PPP1R12A: variants seen among roughly 807,000 people sequenced by gnomAD.
PPP1R12A encodes the protein myosin binding subunit.
In PPP1R12A, 19 loss-of-function variants were observed where a neutral mutation model predicts 139.6. The observed-to-expected ratio is 0.14, with a 90% confidence interval of 0.09 to 0.20. The LOEUF (loss-of-function observed/expected upper bound fraction) is 0.20. Ranked by LOEUF, PPP1R12A falls within the 10% of genes least tolerant of loss-of-function variation. PPP1R12A has a pLI of 1.00. For missense variants in PPP1R12A, 925 were observed against 1,211.5 expected (o/e 0.76, Z 3.51); for synonymous variants, 427 against 420.6 (o/e 1.02, Z -0.19).
At chr12:79,839,248 T>G (rs1358097658) in intron 3 of PPP1R12A, among the ~76,000 whole-genome samples, 1 of 152,230 alleles carries the variant, frequency 6.6e-6, no homozygotes, top group Non-Finnish European at 1.5e-5. Context: ...AACAGGTATA[T>G]TCACCCAATG....
chr12:79,923,555 C>T (rs2596799), intron 1 of PPP1R12A, among the ~76,000 whole-genome samples: 142,885 of 152,284 alleles, frequency 0.94, 67,336 homozygotes, highest in African/African-American at 0.99. Flanking sequence ...CATACTTGTA[C>T]AGAGATATTT....
At chr12:79,855,512 C>T (rs1212612078) in intron 2 of PPP1R12A, among the ~76,000 whole-genome samples, 3 of 152,054 alleles carry the variant, frequency 2.0e-5, no homozygotes, top group African/African-American at 7.2e-5. Flanking sequence ...ATTGCTGGGT[C>T]AAATGGTAAC....
In PPP1R12A at chr12:79,869,374, A is replaced by C. The variant is rs907025622; in HGVS notation, c.368+3434T>G. On this transcript the variant is annotated intron_variant, in intron 2 of 24. Coordinates refer to ENST00000450142, the MANE Select transcript of PPP1R12A (RefSeq NM_002480.3). Reference sequence around the variant, plus strand: ...CATCCTCAAATCCTCAGAGTAAACTAATCTAGGCTTAACTGCACATATCAA... The same window carrying C: ...CATCCTCAAATCCTCAGAGTAAACTCATCTAGGCTTAACTGCACATATCAA... 5.9e-5 allele frequency among the ~76,000 whole-genome samples: 9 copies of C among 152,364 alleles called. No homozygotes were observed. In the East Asian group the frequency reaches 1.7e-3, roughly 29 times the overall value.
chr12:79,866,343 C>T (rs988894088), intron 2 of PPP1R12A, among the ~76,000 whole-genome samples: 1 of 152,092 alleles, frequency 6.6e-6, no homozygotes, highest in Non-Finnish European at 1.5e-5. Flanking sequence ...AAGACTTAAA[C>T]GTAAGACCTA....
chr12:79,918,907 G>A (rs1887210265), intron 1 of PPP1R12A, among the ~76,000 whole-genome samples: 1 of 152,120 alleles, frequency 6.6e-6, no homozygotes, highest in African/African-American at 2.4e-5. Flanking sequence ...CTTGAGGTCA[G>A]GAGTTTGAGA....
At chr12:79,791,525 C>T (rs1209730983) in intron 19 of PPP1R12A, among the ~76,000 whole-genome samples, 1 of 152,070 alleles carries the variant, frequency 6.6e-6, no homozygotes, top group Non-Finnish European at 1.5e-5. Context: ...ACAGTGTCTC[C>T]CTATGTTGCC....
intron 8 of PPP1R12A, chr12:79,819,259 G>C (rs1167572925): frequency 6.6e-6 from 1 of 152,132 alleles, no homozygotes; most frequent in Non-Finnish European, 1.5e-5. Context: ...AGGTCATATA[G>C]CCCGATTTTT....
At chr12:79,810,700 T>C (rs1001530727) in intron 9 of PPP1R12A, among the ~76,000 whole-genome samples, 1 of 150,418 alleles carries the variant, frequency 6.6e-6, no homozygotes, top group African/African-American at 2.5e-5. Context: ...TGAGATAATC[T>C]GAAAAAAATC....
intron 1 of PPP1R12A, among the ~76,000 whole-genome samples, chr12:79,887,798 T>C (rs915193447): frequency 1.3e-5 from 2 of 152,150 alleles, no homozygotes; most frequent in African/African-American, 4.8e-5. Context: ...AGAATACTCA[T>C]AATATGACAC....
chr12:79,920,350 T>C (rs1288876317), intron 1 of PPP1R12A, among the ~76,000 whole-genome samples: 1 of 152,246 alleles, frequency 6.6e-6, no homozygotes, highest in Non-Finnish European at 1.5e-5. Flanking sequence ...TGTGGACACA[T>C]GTTCAATTCT....
chr12:79,779,043 C>A, intron 23 of PPP1R12A: 2 of 248,310 alleles, frequency 8.1e-6, no homozygotes, highest in Non-Finnish European at 1.7e-5. Flanking sequence ...AAGCTCATTT[C>A]CTCCACTCAC....
At position 79,797,334 on chromosome 12, in the gene PPP1R12A, C is replaced by T. The variant is rs745739037; in HGVS notation, c.2153G>A (p.Arg718Gln). 2.4e-5 allele frequency: 38 copies of T among 1,601,606 alleles called. No individual in the cohort carries two copies. In the Admixed American group the frequency reaches 2.9e-4, roughly 12 times the overall value. Residue 718 changes from arginine to glutamine, a missense_variant, in exon 16 of 25, where the codon CGA (arginine) becomes CAA (glutamine). By Grantham distance (43) the Arg-to-Gln change is conservative (BLOSUM62 1). Around this residue, in one of 4 missense-constraint regions of PPP1R12A, gnomAD observed 315 missense variants for 363.4 expected, o/e 0.87. Coordinates refer to ENST00000450142, the MANE Select transcript of PPP1R12A (RefSeq NM_002480.3). Reference protein sequence around the residue: ...EKTIGRSRSTRTREQENEEKE... With the variant: ...EKTIGRSRSTQTREQENEEKE... ...TTCTTCATTTTCTTGTTCTCTGGTT[C>T]GGGTAGAACGACTTCTTCCTATTGT...
At chr12:79,927,294 T>C (rs1027226165) in intron 1 of PPP1R12A, among the ~76,000 whole-genome samples, 17 of 152,220 alleles carry the variant, frequency 1.1e-4, no homozygotes, top group Non-Finnish European at 2.4e-4. Context: ...AATTAAATTC[T>C]ATGTCCTGAA....
intron 22 of PPP1R12A, among the ~76,000 whole-genome samples, chr12:79,785,083 A>G (rs566455978): frequency 5.4e-4 from 83 of 152,352 alleles, no homozygotes; most frequent in Non-Finnish European, 8.8e-4. Flanking sequence ...CTGATTAAAA[A>G]ACAGCAACAT....
At chr12:79,828,229 C>T in intron 5 of PPP1R12A, 91 bp downstream of exon 5, 1 of 1,123,996 alleles carries the variant, frequency 8.9e-7, no homozygotes, top group Non-Finnish European at 1.2e-6. Flanking sequence ...TAATGTAATC[C>T]TTATAACCTT....
rs1555244729 is a variant in PPP1R12A, at chr12:79,905,345, C to CG, written c.237+29349_237+29350insC. ...TAGAATGTTTTGTTTTGCCGCCCCC[C>CG]CCCACCCCTTTTTTTTTGAAGGAGA... On this transcript the variant is annotated intron_variant, in intron 1 of 24. Transcript: ENST00000450142. 1.6e-3 allele frequency among the ~76,000 whole-genome samples: 180 copies of CG among 109,580 alleles called. 4 individuals carry two copies. The South Asian group carries it at 0.025, about 15-fold the overall frequency. The allele number at this position is 109,580 out of a possible 152,430, so 71.9% of individuals were successfully genotyped here.
intron 13 of PPP1R12A, 49 bp from the exon 14 acceptor site, chr12:79,805,817 A>G: frequency 2.6e-6 from 4 of 1,533,174 alleles, no homozygotes; most frequent in South Asian, 1.2e-5. Flanking sequence ...GAAAACAGCT[A>G]AACAATGAAA....
At chr12:79,906,415 G>A (rs550667320) in intron 1 of PPP1R12A, among the ~76,000 whole-genome samples, 8 of 151,820 alleles carry the variant, frequency 5.3e-5, no homozygotes, top group African/African-American at 1.9e-4. Context: ...ATAGAGTAAA[G>A]GGCTGACAGT....
At chr12:79,814,291 C>T (rs1344050295) in intron 9 of PPP1R12A, among the ~76,000 whole-genome samples, 5 of 150,970 alleles carry the variant, frequency 3.3e-5, no homozygotes, top group Non-Finnish European at 7.4e-5. Context: ...TCCTGGCTAA[C>T]ACGGTGAAAC....
Sources: gnomAD v4.1 joint callset for allele counts (sites outside exome capture counted in the v4.1 genomes callset) on GRCh38, gnomAD v4.1.1 for gene constraint, gnomAD v4.1.1 regional missense constraint, MANE v1.5 for transcripts, NCBI Gene and HGNC (gene_info 2026-07-23, HGNC 2026-07-21) for gene names.